Variants in SP100 observed in about 807,000 individuals in gnomAD.
SP100 encodes the protein nuclear autoantigen Sp-100.
SP100 carries 84 observed loss-of-function variants against 130.0 expected under a neutral mutation model. That is an observed-to-expected ratio of 0.65 (90% CI 0.54 to 0.77). The LOEUF (loss-of-function observed/expected upper bound fraction) is 0.77. SP100 is among the 30% of genes least tolerant of loss of function. SP100 has a pLI of 0.00. For synonymous variants in SP100, 331 were observed against 351.7 expected, an observed-to-expected ratio of 0.94 and a Z score of 0.66; for missense variants, 978 against 1,052.2, an observed-to-expected ratio of 0.93 and a Z score of 0.97.
At chr2:230,470,530 A>C in intron 15 of SP100, 3 of 530,028 alleles carry the variant, frequency 5.7e-6, no homozygotes, top group Non-Finnish European at 4.8e-6. Flanking sequence ...ACACTCTCAA[A>C]CGTTAGTATA....
chr2:230,422,654 C>A (rs1212464307), intron 2 of SP100, among the ~76,000 whole-genome samples: 1 of 152,190 alleles, frequency 6.6e-6, no homozygotes, highest in African/African-American at 2.4e-5. Flanking sequence ...TTTCTATTCC[C>A]TGATCTTTGC....
At chr2:230,474,102 A>G in intron 16 of SP100, among the ~76,000 whole-genome samples, 1 of 152,334 alleles carries the variant, frequency 6.6e-6, no homozygotes. Flanking sequence ...CAAGTAAGAT[A>G]TTTAATATTC....
At chr2:230,442,347 A>T (rs1249339822) in intron 2 of SP100, among the ~76,000 whole-genome samples, 4 of 152,168 alleles carry the variant, frequency 2.6e-5, no homozygotes, top group Non-Finnish European at 5.9e-5. Context: ...TATTAATACA[A>T]AGTAGAATCA....
intron 4 of SP100, among the ~76,000 whole-genome samples, chr2:230,444,646 T>C (rs1224829589): frequency 6.6e-6 from 1 of 152,190 alleles, no homozygotes; most frequent in Non-Finnish European, 1.5e-5. Context: ...GCTTCTTATC[T>C]TCAGTGGGAG....
At chr2:230,460,282 A>G (rs1413698499) in intron 8 of SP100, among the ~76,000 whole-genome samples, 3 of 152,212 alleles carry the variant, frequency 2.0e-5, no homozygotes, top group Non-Finnish European at 4.4e-5. Context: ...TCTATAATGG[A>G]ATACTATCTA....
chr2:230,430,321 C>G (rs6747824), intron 2 of SP100, among the ~76,000 whole-genome samples: 3,246 of 152,316 alleles, frequency 0.021, 145 homozygotes, highest in African/African-American at 0.073. Context: ...CGGCCAGGCT[C>G]TAAGATGGGA....
intron 8 of SP100, among the ~76,000 whole-genome samples, chr2:230,459,324 G>A (rs1261692284): frequency 1.3e-5 from 2 of 152,032 alleles, no homozygotes; most frequent in African/African-American, 4.8e-5. Flanking sequence ...CTAGAAAGGA[G>A]GCACAGGGTG....
intron 1 of SP100, 41 bp from the exon 2 acceptor site, chr2:230,417,550 G>C (rs368770372): frequency 1.4e-4 from 215 of 1,590,744 alleles, no homozygotes; most frequent in Admixed American, 5.2e-4. Context: ...TGAGGCAAAG[G>C]GTCCAGTTAT....
rs924335225 is a variant in SP100, at chr2:230,544,978, T to C, written c.*2032T>C. On this transcript the variant is annotated 3_prime_UTR_variant, in exon 29 of 29. Transcript: ENST00000340126. ...GAGAAAAGGGAACATTTATACACTA[T>C]TGATGGGAGTGTAAATTAGTTCAAC... is the stretch of plus-strand genomic sequence containing the variant. Among the ~76,000 whole-genome samples the C allele has an allele frequency of 2.0e-5, 3 of 152,192 alleles. No homozygotes were observed. Among genetic ancestry groups the C allele is most frequent in the Admixed American group, 1.3e-4 (2 of 15,280 alleles).
intron 12 of SP100, 32 bp from the exon 13 acceptor site, chr2:230,467,088 G>C (rs1342575539): frequency 7.0e-7 from 1 of 1,437,842 alleles, no homozygotes; most frequent in Non-Finnish European, 9.8e-7. Flanking sequence ...CATACATTGA[G>C]AGCTCCAAAG....
At chr2:230,463,937 G>A (rs1432875765) in intron 10 of SP100, 130 bp from the exon 11 acceptor site, 1 of 605,688 alleles carries the variant, frequency 1.7e-6, no homozygotes, top group Non-Finnish European at 3.0e-6. Context: ...AGACAAGCAT[G>A]GCCTGTGTAC....
intron 24 of SP100, among the ~76,000 whole-genome samples, chr2:230,522,455 G>A (rs1386741381): frequency 1.4e-5 from 2 of 140,490 alleles, no homozygotes; most frequent in Non-Finnish European, 3.1e-5. Context: ...TTCTCCTTTA[G>A]TGCTCTTTGG....
chr2:230,533,501 T>C (rs1019572459), intron 24 of SP100, among the ~76,000 whole-genome samples: 2 of 152,258 alleles, frequency 1.3e-5, no homozygotes, highest in African/African-American at 2.4e-5. Flanking sequence ...CTTGTGCTGT[T>C]AAGTTACAGG....
intron 1 of SP100, 140 bp from the exon 2 acceptor site, chr2:230,417,451 C>A: frequency 9.6e-7 from 1 of 1,045,498 alleles, no homozygotes; most frequent in Non-Finnish European, 1.3e-6. Context: ...TACCAATAAG[C>A]TATCATAACA....
chr2:230,533,409 C>G (rs1202141910), intron 24 of SP100, among the ~76,000 whole-genome samples: 1 of 152,200 alleles, frequency 6.6e-6, no homozygotes, highest in African/African-American at 2.4e-5. Flanking sequence ...GTAATAACTA[C>G]TGGACACTAA....
At chr2:230,480,441 G>A (rs1045568940) in intron 17 of SP100, among the ~76,000 whole-genome samples, 3 of 152,222 alleles carry the variant, frequency 2.0e-5, no homozygotes, top group Non-Finnish European at 2.9e-5. Context: ...CTTGCTCTTT[G>A]TCATAAGTAA....
At chr2:230,458,298 A>G (rs1417250851) in intron 8 of SP100, among the ~76,000 whole-genome samples, 1 of 152,240 alleles carries the variant, frequency 6.6e-6, no homozygotes, top group Non-Finnish European at 1.5e-5. Context: ...TGTTATTAAT[A>G]CAATCATAAG....
chr2:230,496,557 T>A (rs956286286), intron 18 of SP100, among the ~76,000 whole-genome samples: 4 of 150,924 alleles, frequency 2.7e-5, no homozygotes, highest in Non-Finnish European at 5.9e-5. Context: ...TTTTGCCTTT[T>A]AAAAAAAAAG....
At chr2:230,461,457 A>G in intron 9 of SP100, 43 bp downstream of exon 9, 2 of 1,605,544 alleles carry the variant, frequency 1.2e-6, no homozygotes, top group Non-Finnish European at 1.7e-6. Context: ...GTCACAGGTT[A>G]CCAGGTAAGG....
Sources: allele counts gnomAD v4.1 joint callset (sites outside exome capture counted in the v4.1 genomes callset), GRCh38; gene constraint gnomAD v4.1.1; transcripts MANE v1.5; gene names NCBI Gene and HGNC (gene_info 2026-07-23, HGNC 2026-07-21).